Variants in NSUN6 observed in about 807,000 individuals in gnomAD.
The protein encoded by NSUN6 is NOP2/Sun RNA methyltransferase 6.
A neutral mutation model predicts 58.0 loss-of-function variants in NSUN6; 64 were observed. That is an observed-to-expected ratio of 1.10 (90% CI 0.90 to 1.36). The LOEUF is 1.36. Ranked by LOEUF, NSUN6 falls within the 40% of genes most tolerant of loss-of-function variation. The pLI, the probability that NSUN6 is intolerant of heterozygous loss-of-function variation, is 0.00. For missense variants in NSUN6, 701 were observed against 550.1 expected (o/e 1.27, Z -2.74); for synonymous variants, 231 against 193.9 (o/e 1.19, Z -1.59).
chr10:18,606,901 C>G (rs2058067564), intron 6 of NSUN6, among the ~76,000 whole-genome samples: 1 of 152,026 alleles, frequency 6.6e-6, no homozygotes, highest in Admixed American at 6.6e-5. Flanking sequence ...AATGAGGCTC[C>G]CTGTGTTGGC....
Position 18,545,872 on chromosome 10 carries a change from A to C in NSUN6, c.*61T>G. The C allele has an allele frequency of 9.7e-7, 1 of 1,032,888 alleles. No individual in the cohort carries two copies. Among genetic ancestry groups the C allele is most frequent in the African/African-American group, 1.6e-5 (1 of 61,694 alleles). 64.0% of individuals were successfully genotyped at this position (1,032,888 alleles called of 1,614,324 possible). A position where few individuals can be genotyped will look rare whatever the true frequency, so the allele number is the denominator to read the frequency against. On this transcript the variant is annotated 3_prime_UTR_variant, in exon 11 of 11. Transcript: ENST00000377304. ...TTGGCCTGACAACACTTTGGTTAAA[A>C]AAAAAAAAACCACAGACAGCAAATG...
chr10:18,649,305 G>T (rs7923072), intron 1 of NSUN6, among the ~76,000 whole-genome samples: 120,081 of 152,124 alleles, frequency 0.79, 47,522 homozygotes, highest in East Asian at 0.98. Flanking sequence ...GTATTTCTTT[G>T]TCTTCCTATT....
chr10:18,624,796 T>A (rs181373586), intron 3 of NSUN6, among the ~76,000 whole-genome samples: 3 of 152,212 alleles, frequency 2.0e-5, no homozygotes, highest in African/African-American at 7.2e-5. Context: ...CTTGGCTAGC[T>A]AAGCAGCTAG....
chr10:18,652,227 CT>C (rs1254997395), upstream of NSUN6: 2 of 982,004 alleles, frequency 2.0e-6, no homozygotes, highest in Non-Finnish European at 2.4e-6. Context: ...ATTTTTTTTT[CT>C]TTTTTTTCAT....
intron 5 of NSUN6, among the ~76,000 whole-genome samples, chr10:18,610,943 C>T (rs2058211221): frequency 1.3e-5 from 2 of 152,132 alleles, no homozygotes; most frequent in Admixed American, 1.3e-4. Flanking sequence ...GTGGCTTATG[C>T]CTGTAATCCC....
chr10:18,575,093 A>G (rs1419307676), intron 8 of NSUN6, among the ~76,000 whole-genome samples: 2 of 152,202 alleles, frequency 1.3e-5, no homozygotes, highest in African/African-American at 4.8e-5. Flanking sequence ...GCCAGACCAG[A>G]GAGAAATGTT....
chr10:18,549,533 T>A (rs186541632), intron 9 of NSUN6, among the ~76,000 whole-genome samples: 36 of 152,334 alleles, frequency 2.4e-4, no homozygotes, highest in African/African-American at 8.4e-4. Context: ...ACTCATTTAT[T>A]TATTTCCTTT....
chr10:18,548,017 G>T (rs1305840902), intron 10 of NSUN6, 95 bp downstream of exon 10: 27 of 1,225,520 alleles, frequency 2.2e-5, no homozygotes, highest in Non-Finnish European at 3.1e-5. Flanking sequence ...CACTTTGGAA[G>T]TTTTACTTAT....
intron 8 of NSUN6, among the ~76,000 whole-genome samples, chr10:18,579,635 T>C (rs7092437): frequency 0.62 from 93,567 of 151,870 alleles, 29,271 homozygotes; most frequent in East Asian, 0.98. Context: ...CCCAGGTGGT[T>C]GGGGGTACAG....
At chr10:18,645,904 G>T (rs2059531901) in intron 2 of NSUN6, among the ~76,000 whole-genome samples, 1 of 152,050 alleles carries the variant, frequency 6.6e-6, no homozygotes, top group Non-Finnish European at 1.5e-5. Context: ...TTAAATTTCA[G>T]GCCAGGCACG....
intron 6 of NSUN6, among the ~76,000 whole-genome samples, chr10:18,599,890 C>T (rs2057737881): frequency 6.6e-6 from 1 of 152,170 alleles, no homozygotes; most frequent in Non-Finnish European, 1.5e-5. Context: ...ATTAGTTCAA[C>T]TGAAGGGCAT....
upstream of NSUN6, chr10:18,658,668 C>T: frequency 1.0e-6 from 1 of 983,222 alleles, no homozygotes; most frequent in Non-Finnish European, 1.2e-6. Context: ...GGCTCCAGGC[C>T]TTCCATGGCT....
upstream of NSUN6, chr10:18,653,062 G>C: frequency 1.0e-6 from 1 of 984,598 alleles, no homozygotes; most frequent in Non-Finnish European, 1.2e-6. Context: ...GTCTAAATCA[G>C]ACATTTCCAA....
intron 8 of NSUN6, among the ~76,000 whole-genome samples, chr10:18,583,031 G>A (rs909803408): frequency 2.0e-5 from 3 of 152,166 alleles, no homozygotes; most frequent in African/African-American, 7.2e-5. Flanking sequence ...CAGGAGCCAA[G>A]AAGTCTGGAG....
chr10:18,573,081 C>A (rs770074033), intron 8 of NSUN6, among the ~76,000 whole-genome samples: 3 of 151,174 alleles, frequency 2.0e-5, no homozygotes, highest in African/African-American at 4.9e-5. Context: ...ATTCTCCGTT[C>A]CACTCCATTC....
intron 6 of NSUN6, among the ~76,000 whole-genome samples, chr10:18,606,237 G>A (rs2131294900): frequency 6.6e-6 from 1 of 152,216 alleles, no homozygotes; most frequent in South Asian, 2.1e-4. Context: ...ACAATCTCCA[G>A]GGGGTTATCA....
At chr10:18,569,465 T>C (rs1040350919) in intron 8 of NSUN6, among the ~76,000 whole-genome samples, 22 of 150,998 alleles carry the variant, frequency 1.5e-4, no homozygotes, top group African/African-American at 5.3e-4. Context: ...CTCCATTCCA[T>C]TCCTTTCCAT....
intron 8 of NSUN6, among the ~76,000 whole-genome samples, chr10:18,582,869 C>T (rs2056967176): frequency 6.6e-6 from 1 of 152,150 alleles, no homozygotes; most frequent in African/African-American, 2.4e-5. Context: ...ATAGTGGAGC[C>T]ATGACACTAA....
rs370852125 is a variant in NSUN6, at chr10:18,551,779, T to C, written c.1071+44A>G. 3,035 of 1,573,184 alleles carry C rather than the reference T, an allele frequency of 1.9e-3. 6 individuals carry two copies. The highest frequency in any genetic ancestry group is 2.5e-3 in the Non-Finnish European group (2,830 of 1,147,218). ...GCTGTCAGTAGTTTAAACATCAAAGTAGCAAAAGTTAACTTTGTTTCACAA... is the reference window on the plus strand; with the variant it reads ...GCTGTCAGTAGTTTAAACATCAAAGCAGCAAAAGTTAACTTTGTTTCACAA... On this transcript the variant is annotated intron_variant, in intron 9 of 10. Coordinates refer to ENST00000377304, the MANE Select transcript of NSUN6 (RefSeq NM_182543.5).
Sources: gnomAD v4.1 joint callset for allele counts (sites outside exome capture counted in the v4.1 genomes callset) on GRCh38, gnomAD v4.1.1 for gene constraint, MANE v1.5 for transcripts, NCBI Gene and HGNC (gene_info 2026-07-23, HGNC 2026-07-21) for gene names.